Variants in LARGE1 observed in about 807,000 individuals in gnomAD.
LARGE1 encodes the protein LARGE xylosyl- and glucuronyltransferase 1.
Under a neutral mutation model 87.6 loss-of-function variants are expected in LARGE1, and 43 were observed. The ratio of observed to expected loss-of-function variants is 0.49; its 90% CI spans 0.38 to 0.63. The LOEUF is 0.63. Ranked by LOEUF, LARGE1 falls within the 30% of genes least tolerant of loss-of-function variation. The pLI is 0.00. For missense variants in LARGE1, 802 were observed against 1,000.2 expected (o/e 0.80, Z 2.67); for synonymous variants, 434 against 394.6 (o/e 1.10, Z -1.18).
chr22:33,795,802 G>C (rs1410988880), intron 1 of LARGE1, among the ~76,000 whole-genome samples: 1 of 151,988 alleles, frequency 6.6e-6, no homozygotes, highest in African/African-American at 2.4e-5. Context: ...TGAACAATAA[G>C]AACACTTGGA....
At chr22:33,831,881 G>A (rs528208305) in intron 1 of LARGE1, among the ~76,000 whole-genome samples, 15 of 152,216 alleles carry the variant, frequency 9.9e-5, no homozygotes, top group African/African-American at 2.6e-4. Flanking sequence ...GCGTAATCCC[G>A]AGGCAACCAC....
At chr22:33,564,788 A>T (rs1276033428) in intron 6 of LARGE1, 60 bp downstream of exon 6, 2 of 1,576,388 alleles carry the variant, frequency 1.3e-6, no homozygotes, top group Non-Finnish European at 1.7e-6. Context: ...GTCAACCCCT[A>T]TTCTTGGCAT....
chr22:33,825,213 C>T (rs2062744528), intron 1 of LARGE1, among the ~76,000 whole-genome samples: 1 of 152,144 alleles, frequency 6.6e-6, no homozygotes, highest in African/African-American at 2.4e-5. Flanking sequence ...GAAGGAAATC[C>T]TTTGTAAAGG....
At chr22:33,772,229 A>C (rs1286611003) in intron 1 of LARGE1, among the ~76,000 whole-genome samples, 1 of 152,156 alleles carries the variant, frequency 6.6e-6, no homozygotes, top group African/African-American at 2.4e-5. Context: ...GCTACTCGGG[A>C]AGCTGAGGCA....
intron 6 of LARGE1, among the ~76,000 whole-genome samples, chr22:33,490,126 T>G (rs779925860): frequency 6.6e-6 from 1 of 152,266 alleles, no homozygotes; most frequent in Non-Finnish European, 1.5e-5. Flanking sequence ...AACTGGATCA[T>G]TGTAAATTAT....
chr22:33,370,872 T>C (rs2064782566), intron 9 of LARGE1, among the ~76,000 whole-genome samples: 1 of 149,424 alleles, frequency 6.7e-6, no homozygotes. Flanking sequence ...TTAATAATAT[T>C]CAATAATTAT....
At chr22:33,181,458 A>T (rs1454467390) in intron 11 of LARGE1, among the ~76,000 whole-genome samples, 2 of 152,172 alleles carry the variant, frequency 1.3e-5, no homozygotes, top group Non-Finnish European at 2.9e-5. Flanking sequence ...ACTGCTAGGA[A>T]GTGGCAAAGA....
rs186782124 is a variant in LARGE1 at position 33,591,621 on chromosome 22, T to C, written c.615+12814A>G. Reference sequence around the variant, plus strand: ...GTAGCTTATCCTTATAGTTTCTTATTAATGTCTTTGCAAGAACAAAAATCC... The same window carrying C: ...GTAGCTTATCCTTATAGTTTCTTATCAATGTCTTTGCAAGAACAAAAATCC... On this transcript the variant is annotated intron_variant, in intron 5 of 14. Transcript: ENST00000397394. 3.2e-3 allele frequency among the ~76,000 whole-genome samples: 484 copies of C among 152,284 alleles called. 1 individual carries two copies. Among genetic ancestry groups the C allele is most frequent in the African/African-American group, 0.011 (459 of 41,550 alleles).
chr22:33,477,000 G>A (rs1293556079), intron 6 of LARGE1, among the ~76,000 whole-genome samples: 1 of 152,188 alleles, frequency 6.6e-6, no homozygotes, highest in African/African-American at 2.4e-5. Flanking sequence ...GCCTGTCACA[G>A]TGCTCTTTTC....
chr22:33,295,962 T>A (rs2146041610), intron 12 of LARGE1, among the ~76,000 whole-genome samples: 1 of 152,314 alleles, frequency 6.6e-6, no homozygotes, highest in East Asian at 1.9e-4. Flanking sequence ...AAGGAGCTTT[T>A]GGGGTAAATT....
intron 3 of LARGE1, among the ~76,000 whole-genome samples, chr22:33,647,264 C>T (rs1166043798): frequency 6.6e-6 from 1 of 152,172 alleles, no homozygotes; most frequent in African/African-American, 2.4e-5. Flanking sequence ...CAGAATGTTC[C>T]AGAAAAACAT....
intron 1 of LARGE1, among the ~76,000 whole-genome samples, chr22:33,833,970 G>GAGCC (rs1320704196): frequency 6.6e-6 from 1 of 152,122 alleles, no homozygotes; most frequent in Non-Finnish European, 1.5e-5. Context: ...TACGTGCAAT[G>GAGCC]AGCCACCATG....
At chr22:33,203,101 C>CTCTG (rs1491374858) in intron 11 of LARGE1, among the ~76,000 whole-genome samples, 1 of 108,538 alleles carries the variant, frequency 9.2e-6, no homozygotes, top group Admixed American at 1.0e-4. Context: ...CTCTCTCTCT[C>CTCTG]TGTGTGTGTG....
chr22:33,487,389 C>T (rs2069635063), intron 6 of LARGE1, among the ~76,000 whole-genome samples: 1 of 152,158 alleles, frequency 6.6e-6, no homozygotes, highest in Non-Finnish European at 1.5e-5. Context: ...TCACCAATTC[C>T]TCTTGTTCTG....
intron 6 of LARGE1, among the ~76,000 whole-genome samples, chr22:33,450,673 GA>G (rs1161498639): frequency 6.6e-6 from 1 of 151,918 alleles, no homozygotes; most frequent in Non-Finnish European, 1.5e-5. Flanking sequence ...ATTACACCTG[GA>G]AAAAAACCTT....
intron 12 of LARGE1, among the ~76,000 whole-genome samples, chr22:33,300,436 C>T (rs570443063): frequency 4.6e-5 from 7 of 152,212 alleles, no homozygotes; most frequent in Middle Eastern, 3.4e-3. Flanking sequence ...AGTGCAGTGG[C>T]ACAATCATGG....
chr22:33,324,088 C>T (rs111438382), intron 10 of LARGE1, among the ~76,000 whole-genome samples: 1,961 of 151,772 alleles, frequency 0.013, 37 homozygotes, highest in African/African-American at 0.045. Context: ...AAAAATTAGC[C>T]AGGTGTGGTG....
At chr22:33,762,852 G>A (rs946574036) in intron 1 of LARGE1, among the ~76,000 whole-genome samples, 2 of 152,178 alleles carry the variant, frequency 1.3e-5, no homozygotes, top group Admixed American at 6.5e-5. Flanking sequence ...TAGGTGTCAC[G>A]CTGACTATAG....
chr22:33,777,718 T>G (rs2283947), intron 1 of LARGE1, among the ~76,000 whole-genome samples: 35,709 of 125,592 alleles, frequency 0.28, 5,065 homozygotes, highest in Admixed American at 0.34. Context: ...GGAAGGCAGG[T>G]GAAGGGAAGG....
Sources: gnomAD v4.1 joint callset for allele counts (sites outside exome capture counted in the v4.1 genomes callset) on GRCh38, gnomAD v4.1.1 for gene constraint, MANE v1.5 for transcripts, NCBI Gene and HGNC (gene_info 2026-07-23, HGNC 2026-07-21) for gene names.